The following ETV1 variants were observed in gnomAD, a reference collection of about 807,000 sequenced individuals.
ETV1 encodes the protein ETS translocation variant 1.
A neutral mutation model predicts 62.3 loss-of-function variants in ETV1; 27 were observed. The ratio of observed to expected loss-of-function variants is 0.43; its 90% CI spans 0.32 to 0.60. ETV1 has a LOEUF of 0.60. ETV1 is among the 20% of genes least tolerant of loss of function. The probability of loss-of-function intolerance (pLI) is 0.06; values close to 1 mark genes in which losing one functional copy is unlikely to be tolerated. For synonymous variants in ETV1, 222 were observed against 199.6 expected, an observed-to-expected ratio of 1.11 and a Z score of -0.94; for missense variants, 605 against 605.8, an observed-to-expected ratio of 1.00 and a Z score of 0.01.
At chr7:13,904,084 G>A (rs1782710681) in intron 12 of ETV1, among the ~76,000 whole-genome samples, 1 of 152,164 alleles carries the variant, frequency 6.6e-6, no homozygotes, top group African/African-American at 2.4e-5. Flanking sequence ...GGAACAGGGT[G>A]ACCACAGGTC....
rs1372043123 is a variant in ETV1, at chr7:13,893,133, A to T, written c.*2733T>A. 1 of 232,496 alleles carries T rather than the reference A, an allele frequency of 4.3e-6. No individual in the cohort carries two copies. The highest frequency in any genetic ancestry group is 8.5e-6 in the Non-Finnish European group (1 of 117,714). 14.4% of individuals were successfully genotyped at this position (232,496 alleles called of 1,614,324 possible). ...TATAAGTGTTTGTTGCAATTAATCT[A>T]TTGGGTATTAACATGTCATCATCAA... On this transcript the variant is annotated 3_prime_UTR_variant, in exon 14 of 14. Transcript: ENST00000430479.
intron 12 of ETV1, 87 bp downstream of exon 12, chr7:13,906,343 A>G: frequency 1.1e-6 from 1 of 883,574 alleles, no homozygotes; most frequent in Non-Finnish European, 1.6e-6. Context: ...ATGATTAAGA[A>G]TACATTTTTG....
At chr7:13,913,351 C>G (rs1783753526) in intron 9 of ETV1, among the ~76,000 whole-genome samples, 1 of 152,194 alleles carries the variant, frequency 6.6e-6, no homozygotes, top group African/African-American at 2.4e-5. Context: ...AAACAGGCAC[C>G]TTGTCATCTG....
intron 13 of ETV1, 80 bp downstream of exon 13, chr7:13,900,658 T>G: frequency 1.2e-5 from 12 of 993,050 alleles, no homozygotes; most frequent in Non-Finnish European, 1.8e-5. Flanking sequence ...AGCAATGCAA[T>G]GATATGTGGC....
At chr7:13,924,953 T>C (rs935119432) in intron 9 of ETV1, among the ~76,000 whole-genome samples, 7 of 152,080 alleles carry the variant, frequency 4.6e-5, no homozygotes, top group African/African-American at 1.2e-4. Context: ...TGCCTCCAAA[T>C]TGAAAAAAGG....
Position 13,906,545 on chromosome 7 carries a change from C to T in ETV1, c.995G>A (p.Arg332Gln), listed in dbSNP as rs1259444979. ...MYREGPTYQR[R>Q]GSLQLWQFLV... ...AAACTGCCAGAGCTGAAGTGATCCT[C>T]GCCGTTGGTATGTGGGTCCTTCCCG... Residue 332 changes from arginine to glutamine, a missense_variant, in exon 12 of 14, where the codon CGA becomes CAA. This residue lies in a region of ETV1 where 100 missense variants were observed against 156.4 expected (regional missense o/e 0.64). Coordinates refer to ENST00000430479, the MANE Select transcript of ETV1 (RefSeq NM_004956.5). 5 of 1,612,366 alleles carry T rather than the reference C, an allele frequency of 3.1e-6. No homozygotes were observed. Among genetic ancestry groups the T allele is most frequent in the Non-Finnish European group, 2.5e-6 (3 of 1,179,206 alleles).
chr7:13,941,019 G>A (rs866085294), intron 6 of ETV1, among the ~76,000 whole-genome samples: 3 of 152,112 alleles, frequency 2.0e-5, no homozygotes, highest in African/African-American at 4.8e-5. Context: ...TTAATGTAGT[G>A]TGTGTGTGTA....
chr7:13,928,968 C>A (rs1785765841), intron 9 of ETV1, among the ~76,000 whole-genome samples: 1 of 152,080 alleles, frequency 6.6e-6, no homozygotes, highest in African/African-American at 2.4e-5. Flanking sequence ...AAAAAAAATT[C>A]ATTTCTAGAG....
At chr7:13,949,176 A>G (rs535730075) in intron 6 of ETV1, among the ~76,000 whole-genome samples, 8 of 151,962 alleles carry the variant, frequency 5.3e-5, no homozygotes, top group Admixed American at 2.0e-4. Context: ...AAAAAAAAAA[A>G]TCTCTGTAAA....
intron 9 of ETV1, among the ~76,000 whole-genome samples, chr7:13,928,882 C>T (rs543619644): frequency 1.3e-5 from 2 of 152,050 alleles, no homozygotes; most frequent in South Asian, 2.1e-4. Flanking sequence ...TGCTTGGACC[C>T]GGGGGTCGGA....
intron 12 of ETV1, among the ~76,000 whole-genome samples, chr7:13,904,026 C>A (rs1454733323): frequency 6.6e-6 from 1 of 152,068 alleles, no homozygotes; most frequent in African/African-American, 2.4e-5. Flanking sequence ...AGACATCTTT[C>A]ACGGACTGTG....
intron 6 of ETV1, among the ~76,000 whole-genome samples, chr7:13,962,309 T>C (rs895901641): frequency 1.3e-5 from 2 of 151,866 alleles, no homozygotes; most frequent in Admixed American, 6.6e-5. Context: ...CTTAAATTGC[T>C]TGTACAAGGT....
intron 7 of ETV1, among the ~76,000 whole-genome samples, chr7:13,937,098 G>C (rs553808561): frequency 6.6e-6 from 1 of 152,098 alleles, no homozygotes; most frequent in African/African-American, 2.4e-5. Context: ...TTTTTCTTTA[G>C]AAAGAAATAT....
At chr7:13,937,609 T>C (rs1373272083) in intron 7 of ETV1, among the ~76,000 whole-genome samples, 1 of 152,192 alleles carries the variant, frequency 6.6e-6, no homozygotes, top group Admixed American at 6.5e-5. Context: ...CAATGACAAT[T>C]CTATATCTAA....
intron 6 of ETV1, among the ~76,000 whole-genome samples, chr7:13,956,007 G>T (rs1789400934): frequency 6.6e-6 from 1 of 152,102 alleles, no homozygotes; most frequent in Non-Finnish European, 1.5e-5. Flanking sequence ...TGTAATCATA[G>T]ATATGCAGCT....
Position 13,894,488 on chromosome 7 carries a change from A to G in ETV1, c.*1378T>C, listed in dbSNP as rs557555050. 3.0e-5 allele frequency: 7 copies of G among 232,784 alleles called. No individual in the cohort carries two copies. Among genetic ancestry groups the G allele is most frequent in the South Asian group, 3.6e-4 (2 of 5,526 alleles). 14.4% of individuals were successfully genotyped at this position (232,784 alleles called of 1,614,324 possible). On this transcript the variant is annotated 3_prime_UTR_variant, in exon 14 of 14. Transcript: ENST00000430479. ...CACTATGTCATACAGCAACTTCCTC[A>G]TATTCTTTGACGGTTTGTAAATAAT...
At position 13,977,501 on chromosome 7, in the gene ETV1, T is replaced by A. The variant is rs200440176; in HGVS notation, c.182-21A>T. 3 of 1,467,148 alleles carry A rather than the reference T, an allele frequency of 2.0e-6. No individual in the cohort carries two copies. The highest frequency in any genetic ancestry group is 2.8e-6 in the Non-Finnish European group (3 of 1,079,348). The allele number at this position is 1,467,148 out of a possible 1,614,324, so 90.9% of individuals were successfully genotyped here. On this transcript the variant is annotated intron_variant, in intron 5 of 13. Transcript: ENST00000430479. ...CTGAGCTGAAGAAGAAAAAGAAAAT[T>A]AAAAAAAATTAAGAGAGAAACTGCC...
chr7:13,907,713 A>C (rs1020052497), intron 11 of ETV1: 1 of 362,960 alleles, frequency 2.8e-6, no homozygotes, highest in African/African-American at 2.1e-5. Flanking sequence ...AACAATCCAG[A>C]CAAAATATAT....
chr7:13,911,289 G>C lies in ETV1; in HGVS notation c.821C>G (p.Ser274Cys), dbSNP rs773946563. 2 of 1,612,506 alleles carry C rather than the reference G, an allele frequency of 1.2e-6. No homozygotes were observed. Among genetic ancestry groups the C allele is most frequent in the East Asian group, 2.2e-5 (1 of 44,850 alleles). ...AYDSEVPSCH[S>C]IYMRQEGFLA... ...GAAGCCTTCTTGCCTCATATAAATG[G>C]AGTGGCAGCTAGGCACTTCTGAAAG... The change falls in exon 10 of 14, where the codon TCC (serine) becomes TGC (cysteine). Residue 274 changes from serine to cysteine, a missense_variant. Physicochemically the swap from Ser to Cys is moderately radical, Grantham distance 112. Around this residue, in one of 3 missense-constraint regions of ETV1, gnomAD observed 426 missense variants for 377.8 expected, o/e 1.13. Transcript: ENST00000430479.
Sources: allele counts gnomAD v4.1 joint callset (sites outside exome capture counted in the v4.1 genomes callset), GRCh38; gene constraint gnomAD v4.1.1; regional missense constraint gnomAD v4.1.1; transcripts MANE v1.5; gene names NCBI Gene and HGNC (gene_info 2026-07-23, HGNC 2026-07-21).